VAT1L: variants seen among roughly 807,000 people sequenced by gnomAD.
VAT1L encodes vesicle amine transport 1 like, also known as putative NADPH-dependent quinone oxidoreductase VAT1L.
In VAT1L, 34 loss-of-function variants were observed where a neutral mutation model predicts 44.1. That is an observed-to-expected ratio of 0.77 (90% CI 0.59 to 1.03). The LOEUF is 1.03. Among genes scored for constraint, VAT1L ranks in the 50% least tolerant of loss-of-function variants. VAT1L has a pLI of 0.00. For missense variants in VAT1L, 615 were observed against 538.8 expected (o/e 1.14, Z -1.40); for synonymous variants, 253 against 202.2 (o/e 1.25, Z -2.13).
chr16:77,831,982 A>ATTTTTTTTTTTTTTTTTTTT (rs151275500), intron 3 of VAT1L, among the ~76,000 whole-genome samples: 1 of 125,984 alleles, frequency 7.9e-6, no homozygotes, highest in Non-Finnish European at 1.6e-5. Context: ...TGCCCGGCTA[A>ATTTTTTTTTTTTTTTTTTTT]TTTTTTTTTT....
intron 3 of VAT1L, among the ~76,000 whole-genome samples, chr16:77,833,238 T>C (rs1479116484): frequency 5.9e-5 from 9 of 152,148 alleles, no homozygotes; most frequent in Non-Finnish European, 1.3e-4. Flanking sequence ...CCCTAGACAT[T>C]GATGGGCGTA....
At chr16:77,919,369 T>G (rs1364244118) in intron 7 of VAT1L, among the ~76,000 whole-genome samples, 3 of 152,172 alleles carry the variant, frequency 2.0e-5, no homozygotes, top group Non-Finnish European at 4.4e-5. Flanking sequence ...ATTCTCCAAT[T>G]AACAGAAATA....
In VAT1L at chr16:77,977,617, G is replaced by T; in HGVS notation, c.1182G>T (p.Glu394Asp). The T allele has an allele frequency of 6.2e-7, 1 of 1,614,104 alleles. No individual in the cohort carries two copies. Among genetic ancestry groups the T allele is most frequent in the Non-Finnish European group, 8.5e-7 (1 of 1,179,986 alleles). Residue 394 changes from glutamate (E) to aspartate (D), a missense_variant, in exon 9 of 9, where the codon GAG becomes GAT. By Grantham distance (45) the Glu-to-Asp change is conservative. Transcript: ENST00000302536. ...PTPLMANDST[E>D]TSEAGEEEED... ...TACAGATGGCCAATGACAGCACAGA[G>T]ACCAGTGAAGCAGGGGAAGAGGAGG... is the stretch of plus-strand genomic sequence containing the variant.
chr16:77,855,492 G>A (rs148708440), intron 3 of VAT1L, among the ~76,000 whole-genome samples: 5 of 152,112 alleles, frequency 3.3e-5, no homozygotes, highest in Non-Finnish European at 7.4e-5. Context: ...TTTAATGCAT[G>A]CCCTTCATTG....
At chr16:77,799,269 TCTC>T (rs140363171) in intron 1 of VAT1L, among the ~76,000 whole-genome samples, 21,695 of 147,110 alleles carry the variant, frequency 0.15, 1,734 homozygotes, top group Admixed American at 0.21. Context: ...CCCTCCTTCT[TCTC>T]TCTCCCTCTT....
intron 1 of VAT1L, chr16:77,800,831 T>C (rs780311394): frequency 1.3e-5 from 2 of 152,152 alleles, no homozygotes; most frequent in Non-Finnish European, 2.9e-5. Context: ...TAATAGCCTT[T>C]TGTTCTTGTT....
intron 7 of VAT1L, among the ~76,000 whole-genome samples, chr16:77,958,915 C>A (rs2018133072): frequency 6.6e-6 from 1 of 152,170 alleles, no homozygotes; most frequent in South Asian, 2.1e-4. Flanking sequence ...TATCCTGTTG[C>A]CAAGTAGGTA....
Position 77,939,396 on chromosome 16 carries a change from G to C in VAT1L, c.1078-32454G>C, listed in dbSNP as rs141526331. Among the ~76,000 whole-genome samples the C allele has an allele frequency of 2.2e-3, 336 of 152,292 alleles. 1 individual carries two copies. Among genetic ancestry groups the C allele is most frequent in the African/African-American group, 7.5e-3 (311 of 41,572 alleles). On this transcript the variant is annotated intron_variant, in intron 7 of 8. Coordinates refer to ENST00000302536, the MANE Select transcript of VAT1L (RefSeq NM_020927.3). ...AACCAGTGGGGGGCCGGAGGCGGGC[G>C]GGGTGGGGACGGTGGGAGTAGTTAG...
rs191098436 is a variant in VAT1L at position 77,936,354 on chromosome 16, C to G, written c.1078-35496C>G. On this transcript the variant is annotated intron_variant, in intron 7 of 8. Transcript: ENST00000302536. ...AGGCTTTCTGACTTGCCCAGGATGA[C>G]TACAGTGAGTAAGGGGAGCCTCAGT... 3.9e-5 allele frequency among the ~76,000 whole-genome samples: 6 copies of G among 152,274 alleles called. No individual in the cohort carries two copies. In the East Asian group the frequency reaches 1.2e-3, roughly 29 times the overall value.
intron 7 of VAT1L, among the ~76,000 whole-genome samples, chr16:77,927,352 A>AAC (rs1555520204): frequency 2.0e-5 from 3 of 150,246 alleles, no homozygotes; most frequent in Non-Finnish European, 3.0e-5. Flanking sequence ...AAAAAAAAAA[A>AAC]CACTGTTGGG....
chr16:77,789,702 A>G (rs999854524), intron 1 of VAT1L, among the ~76,000 whole-genome samples: 1 of 151,652 alleles, frequency 6.6e-6, no homozygotes, highest in African/African-American at 2.4e-5. Flanking sequence ...AGGGGAAAAA[A>G]CCCTGATCAG....
chr16:77,962,431 A>G (rs365454), intron 7 of VAT1L, among the ~76,000 whole-genome samples: 51,668 of 151,878 alleles, frequency 0.34, 8,935 homozygotes, highest in South Asian at 0.45. Flanking sequence ...TAGGGATGCA[A>G]GCAGAGGAAG....
intron 7 of VAT1L, among the ~76,000 whole-genome samples, chr16:77,890,861 T>C (rs933377281): frequency 1.3e-5 from 2 of 150,166 alleles, no homozygotes; most frequent in South Asian, 2.1e-4. Flanking sequence ...GGGGTGGAGG[T>C]TGCAGTGAGC....
At chr16:77,944,280 T>C (rs1029406132) in intron 7 of VAT1L, among the ~76,000 whole-genome samples, 29 of 152,142 alleles carry the variant, frequency 1.9e-4, no homozygotes, top group Non-Finnish European at 1.6e-4. Context: ...AAAAGATGTG[T>C]TTACTCTACT....
At chr16:77,901,219 A>G (rs1452326652) in intron 7 of VAT1L, among the ~76,000 whole-genome samples, 1 of 131,482 alleles carries the variant, frequency 7.6e-6, no homozygotes, top group African/African-American at 3.0e-5. Context: ...GCTGGAGTGC[A>G]GTGGCGACAT....
intron 7 of VAT1L, among the ~76,000 whole-genome samples, chr16:77,965,518 ACTGT>A (rs1468102123): frequency 6.6e-6 from 1 of 152,088 alleles, no homozygotes; most frequent in African/African-American, 2.4e-5. Flanking sequence ...TCCTCCCTCC[ACTGT>A]CTGGATGGGA....
At chr16:77,835,493 G>T (rs1414402827) in intron 3 of VAT1L, among the ~76,000 whole-genome samples, 1 of 152,136 alleles carries the variant, frequency 6.6e-6, no homozygotes, top group Non-Finnish European at 1.5e-5. Context: ...CAACTAGCAG[G>T]CAATGCATGG....
chr16:77,966,511 G>GT (rs1214961424), intron 7 of VAT1L, among the ~76,000 whole-genome samples: 3 of 152,018 alleles, frequency 2.0e-5, no homozygotes, highest in Non-Finnish European at 2.9e-5. Context: ...AGTGGTGGAC[G>GT]TGAGTGTGTG....
chr16:77,857,615 T>C (rs575894176), intron 3 of VAT1L, among the ~76,000 whole-genome samples: 1 of 150,904 alleles, frequency 6.6e-6, no homozygotes, highest in Admixed American at 6.6e-5. Flanking sequence ...CATACTAATC[T>C]TAATTGTGTT....
Sources: gnomAD v4.1 joint callset for allele counts (sites outside exome capture counted in the v4.1 genomes callset) on GRCh38, gnomAD v4.1.1 for gene constraint, MANE v1.5 for transcripts, NCBI Gene and HGNC (gene_info 2026-07-23, HGNC 2026-07-21) for gene names.